The following GRIK1 variants were observed in gnomAD, a reference collection of about 807,000 sequenced individuals.
GRIK1 encodes glutamate receptor ionotropic, kainate 1.
A neutral mutation model predicts 105.7 loss-of-function variants in GRIK1; 69 were observed. The observed-to-expected ratio is 0.65, with a 90% confidence interval of 0.54 to 0.80. The LOEUF (loss-of-function observed/expected upper bound fraction) is 0.80. Among genes scored for constraint, GRIK1 ranks in the 30% least tolerant of loss-of-function variants. GRIK1 has a pLI of 0.00. For synonymous variants in GRIK1, 438 were observed against 431.3 expected (o/e 1.02, Z -0.19); for missense variants, 1,109 against 1,167.3 (o/e 0.95, Z 0.73).
intron 1 of GRIK1, among the ~76,000 whole-genome samples, chr21:29,871,945 G>C (rs193271876): frequency 6.0e-4 from 87 of 146,150 alleles, no homozygotes; most frequent in Admixed American, 1.9e-3. Flanking sequence ...TGTATGTTTT[G>C]TAGAGAGTGG....
chr21:29,725,007 TAAAAAAAAAA>T (rs76948130), intron 1 of GRIK1, among the ~76,000 whole-genome samples: 6 of 112,058 alleles, frequency 5.4e-5, no homozygotes, highest in Non-Finnish European at 8.0e-5. Flanking sequence ...CTTTGCCACC[TAAAAAAAAAA>T]AAAAAAAAAG....
intron 16 of GRIK1, among the ~76,000 whole-genome samples, chr21:29,542,088 C>T (rs1244713883): frequency 1.3e-5 from 2 of 151,892 alleles, no homozygotes; most frequent in Non-Finnish European, 2.9e-5. Flanking sequence ...AATGGAGAAA[C>T]ACAAGTTAGT....
In GRIK1 at chr21:29,695,473, T is replaced by TATC. The variant is rs1555874143; in HGVS notation, c.119-1413_119-1411dup. Among the ~76,000 whole-genome samples the TATC allele has an allele frequency of 1.8e-3, 260 of 141,120 alleles. 1 individual carries two copies. The highest frequency in any genetic ancestry group is 6.5e-3 in the African/African-American group (249 of 38,206). 92.6% of individuals were successfully genotyped at this position (141,120 alleles called of 152,430 possible). A position where few individuals can be genotyped will look rare whatever the true frequency, so the allele number is the denominator to read the frequency against. On this transcript the variant is annotated intron_variant, in intron 1 of 17. Coordinates refer to ENST00000327783, the MANE Select transcript of GRIK1 (RefSeq NM_001330994.2). The stretch of plus-strand genomic sequence containing the variant: ...CTATCTATCTATCTATCTATCTATC[T>TATC]ATCTATATATATATATTTTGAGATG...
chr21:29,863,015 C>A (rs929574091), intron 1 of GRIK1, among the ~76,000 whole-genome samples: 7 of 152,138 alleles, frequency 4.6e-5, no homozygotes, highest in Non-Finnish European at 7.4e-5. Flanking sequence ...AATGGATTAA[C>A]TCTTGACAGT....
At chr21:29,793,478 C>A (rs1351015023) in intron 1 of GRIK1, among the ~76,000 whole-genome samples, 2 of 151,826 alleles carry the variant, frequency 1.3e-5, no homozygotes, top group African/African-American at 4.8e-5. Flanking sequence ...TCTCCCACCC[C>A]CTACCCTGCC....
In GRIK1 at chr21:29,880,348, C is replaced by T. The variant is rs114194152; in HGVS notation, c.118+59035G>A. Among the ~76,000 whole-genome samples the T allele has an allele frequency of 2.7e-3, 409 of 152,216 alleles. 2 individuals are homozygous for T. The highest frequency in any genetic ancestry group is 8.8e-3 in the African/African-American group (367 of 41,528). ...TCATTTTTCTGCCAAGGAAATGTTGCCAACTTCAGATGTGCATTAAGAAAA... is the reference window on the plus strand; with the variant it reads ...TCATTTTTCTGCCAAGGAAATGTTGTCAACTTCAGATGTGCATTAAGAAAA... On this transcript the variant is annotated intron_variant, in intron 1 of 17. Transcript: ENST00000327783.
At chr21:29,917,608 A>G (rs1409637466) in intron 1 of GRIK1, among the ~76,000 whole-genome samples, 1 of 152,030 alleles carries the variant, frequency 6.6e-6, no homozygotes, top group Admixed American at 6.6e-5. Flanking sequence ...CATTGAACTG[A>G]GTATAAAACC....
At chr21:29,871,129 T>C (rs1376439952) in intron 1 of GRIK1, among the ~76,000 whole-genome samples, 1 of 152,204 alleles carries the variant, frequency 6.6e-6, no homozygotes, top group Non-Finnish European at 1.5e-5. Flanking sequence ...TGGCCCCACA[T>C]GTCCACCTGA....
intron 4 of GRIK1, among the ~76,000 whole-genome samples, chr21:29,663,946 G>A (rs2063013408): frequency 6.6e-6 from 1 of 152,170 alleles, no homozygotes; most frequent in Non-Finnish European, 1.5e-5. Context: ...GATGATGAGA[G>A]ATAGAGAAAA....
chr21:29,909,318 T>C (rs1348832240), intron 1 of GRIK1, among the ~76,000 whole-genome samples: 2 of 152,020 alleles, frequency 1.3e-5, no homozygotes, highest in Non-Finnish European at 2.9e-5. Context: ...CCCTATAAAA[T>C]ATTTAATCAA....
At chr21:29,861,184 A>G (rs2068624507) in intron 1 of GRIK1, among the ~76,000 whole-genome samples, 1 of 152,258 alleles carries the variant, frequency 6.6e-6, no homozygotes, top group African/African-American at 2.4e-5. Context: ...TGCAGTGGCA[A>G]GAACTTTCAG....
chr21:29,666,963 T>C (rs1405797997), intron 4 of GRIK1, among the ~76,000 whole-genome samples: 4 of 152,214 alleles, frequency 2.6e-5, no homozygotes, highest in South Asian at 2.1e-4. Flanking sequence ...CTCTGGGCTC[T>C]GTCAGTTTCT....
chr21:29,933,422 A>C (rs1381766880), intron 1 of GRIK1, among the ~76,000 whole-genome samples: 4 of 152,208 alleles, frequency 2.6e-5, no homozygotes, highest in African/African-American at 9.7e-5. Flanking sequence ...AGGGTCTTCC[A>C]ATAATTAAAA....
In GRIK1 at chr21:29,537,393, A is replaced by G. The variant is rs367728229; in HGVS notation, c.2695-8T>C. 2 of 1,603,680 alleles carry G rather than the reference A, an allele frequency of 1.2e-6. No individual in the cohort carries two copies. The highest frequency in any genetic ancestry group is 2.7e-5 in the African/African-American group (2 of 74,244). ...AGCGTTGAAAGAGAGACACTAGGGA[A>G]CATGAGATACAGACCATCAGCTTAA... On this transcript the variant is annotated splice_region_variant and splice_polypyrimidine_tract_variant and intron_variant, in intron 17 of 17. Coordinates refer to ENST00000327783, the MANE Select transcript of GRIK1 (RefSeq NM_001330994.2).
chr21:29,847,321 A>C (rs1326974718), intron 1 of GRIK1, among the ~76,000 whole-genome samples: 2 of 152,120 alleles, frequency 1.3e-5, no homozygotes, highest in Admixed American at 6.5e-5. Context: ...TGTGGCCAGG[A>C]GCAGTGGCTC....
At chr21:29,785,329 G>A (rs1281005982) in intron 1 of GRIK1, among the ~76,000 whole-genome samples, 4 of 152,158 alleles carry the variant, frequency 2.6e-5, no homozygotes, top group African/African-American at 9.7e-5. Flanking sequence ...TTGGGAGGCT[G>A]AGGCGGGTGG....
At chr21:29,657,010 A>G (rs928008862) in intron 4 of GRIK1, among the ~76,000 whole-genome samples, 4 of 152,220 alleles carry the variant, frequency 2.6e-5, no homozygotes, top group South Asian at 2.1e-4. Flanking sequence ...AGTGCCATCA[A>G]TAACATTTAA....
chr21:29,769,863 A>G (rs1326003938), intron 1 of GRIK1, among the ~76,000 whole-genome samples: 1 of 152,108 alleles, frequency 6.6e-6, no homozygotes, highest in African/African-American at 2.4e-5. Flanking sequence ...AGGATAATAA[A>G]TTTCTGGTTT....
At chr21:29,914,567 TG>T (rs755013121) in intron 1 of GRIK1, among the ~76,000 whole-genome samples, 19 of 152,236 alleles carry the variant, frequency 1.2e-4, no homozygotes, top group Admixed American at 5.2e-4. Flanking sequence ...TGGTATTCAT[TG>T]GCTTGTTTCA....
Sources: allele counts gnomAD v4.1 joint callset (sites outside exome capture counted in the v4.1 genomes callset), GRCh38; gene constraint gnomAD v4.1.1; transcripts MANE v1.5; gene names NCBI Gene and HGNC (gene_info 2026-07-23, HGNC 2026-07-21).